Variants in MAN1A1 observed in about 807,000 individuals in gnomAD.
MAN1A1 encodes the protein mannosidase alpha class 1A member 1, also known as mannosyl-oligosaccharide 1,2-alpha-mannosidase IA.
In MAN1A1, 29 loss-of-function variants were observed where a neutral mutation model predicts 70.8. That is an observed-to-expected ratio of 0.41 (90% CI 0.31 to 0.56). The LOEUF (loss-of-function observed/expected upper bound fraction) is 0.56, where lower values mean the gene tolerates loss of function less well. Ranked by LOEUF, MAN1A1 falls within the 20% of genes least tolerant of loss-of-function variation. MAN1A1 has a pLI of 0.29. For missense variants in MAN1A1, 747 were observed against 841.3 expected (o/e 0.89, Z 1.39); for synonymous variants, 349 against 330.1 (o/e 1.06, Z -0.62).
At chr6:119,202,327 T>C (rs1302148216) in intron 7 of MAN1A1, among the ~76,000 whole-genome samples, 1 of 152,166 alleles carries the variant, frequency 6.6e-6, no homozygotes, top group Non-Finnish European at 1.5e-5. Context: ...CACAGGACCA[T>C]CAATATCACT....
intron 6 of MAN1A1, among the ~76,000 whole-genome samples, chr6:119,245,032 A>G (rs940331093): frequency 3.3e-5 from 5 of 152,174 alleles, no homozygotes; most frequent in East Asian, 1.9e-4. Context: ...GATAATACCA[A>G]TAAGTTCACA....
intron 6 of MAN1A1, among the ~76,000 whole-genome samples, chr6:119,228,591 T>C (rs1483888949): frequency 6.6e-6 from 1 of 152,030 alleles, no homozygotes; most frequent in Non-Finnish European, 1.5e-5. Flanking sequence ...GCTCAGACTC[T>C]TTTAGAAAAC....
At chr6:119,340,583 C>T (rs758964187) in intron 2 of MAN1A1, among the ~76,000 whole-genome samples, 1 of 152,182 alleles carries the variant, frequency 6.6e-6, no homozygotes, top group African/African-American at 2.4e-5. Context: ...ATTACTGCCA[C>T]CCCCTTTCTC....
In MAN1A1 at chr6:119,179,523, A is replaced by G. The variant is rs1328999605; in HGVS notation, c.*296T>C. On this transcript the variant is annotated 3_prime_UTR_variant, in exon 13 of 13. Transcript: ENST00000368468. ...TATAATTAAGAGGTCATCGCTATACAATTCTATTCAGTTTAACAAAAACGA... is the reference window on the plus strand; with the variant it reads ...TATAATTAAGAGGTCATCGCTATACGATTCTATTCAGTTTAACAAAAACGA... 1 of 198,732 alleles carries G rather than the reference A, an allele frequency of 5.0e-6. No individual in the cohort carries two copies. The highest frequency in any genetic ancestry group is 1.1e-5 in the Non-Finnish European group (1 of 94,334). 12.3% of individuals were successfully genotyped at this position (198,732 alleles called of 1,614,324 possible). A position where few individuals can be genotyped will look rare whatever the true frequency, so the allele number is the denominator to read the frequency against.
chr6:119,289,564 G>A (rs976664408), intron 5 of MAN1A1, among the ~76,000 whole-genome samples: 15 of 151,730 alleles, frequency 9.9e-5, no homozygotes, highest in Non-Finnish European at 2.1e-4. Flanking sequence ...ACAGACCAGG[G>A]GATCACATTA....
At position 119,247,257 on chromosome 6, in the gene MAN1A1, G is replaced by A. The variant is rs367996556; in HGVS notation, c.992+1003C>T. Among the ~76,000 whole-genome samples the A allele has an allele frequency of 3.9e-4, 59 of 152,110 alleles. 1 individual carries two copies. The highest frequency in any genetic ancestry group is 1.3e-3 in the African/African-American group (55 of 41,426). On this transcript the variant is annotated intron_variant, in intron 6 of 12. Coordinates refer to ENST00000368468, the MANE Select transcript of MAN1A1 (RefSeq NM_005907.4). ...GCTGTTTCATTTGTACATATGCATCGATGTGCGTATAGACATCTAAGTACA... is the reference window on the plus strand; with the variant it reads ...GCTGTTTCATTTGTACATATGCATCAATGTGCGTATAGACATCTAAGTACA...
chr6:119,180,560 C>T (rs193217919), intron 11 of MAN1A1, 133 bp from the exon 12 acceptor site: 204 of 567,050 alleles, frequency 3.6e-4, no homozygotes, highest in African/African-American at 3.3e-3. Context: ...GTTGCCTGGG[C>T]GGAGTACAGT....
intron 2 of MAN1A1, among the ~76,000 whole-genome samples, chr6:119,317,971 C>T (rs1772900907): frequency 6.6e-6 from 1 of 151,980 alleles, no homozygotes; most frequent in Non-Finnish European, 1.5e-5. Flanking sequence ...CATCTAGAAT[C>T]CATGATCTTG....
intron 2 of MAN1A1, among the ~76,000 whole-genome samples, chr6:119,337,367 T>C (rs1285257428): frequency 1.3e-5 from 2 of 152,220 alleles, no homozygotes; most frequent in Non-Finnish European, 2.9e-5. Flanking sequence ...CCAGATTACT[T>C]AGCGCGAAAT....
intron 7 of MAN1A1, 98 bp from the exon 8 acceptor site, chr6:119,201,445 G>C: frequency 1.3e-6 from 1 of 764,108 alleles, no homozygotes. Context: ...AAATGATGCA[G>C]AGTTAGAACA....
intron 2 of MAN1A1, among the ~76,000 whole-genome samples, chr6:119,332,788 G>GAAA (rs56829189): frequency 2.7e-5 from 4 of 145,584 alleles, no homozygotes; most frequent in Non-Finnish European, 4.5e-5. Flanking sequence ...TCCATCTCAA[G>GAAA]AAAAAAAAAA....
At chr6:119,186,093 T>C (rs1322350888) in intron 11 of MAN1A1, among the ~76,000 whole-genome samples, 1 of 152,108 alleles carries the variant, frequency 6.6e-6, no homozygotes, top group African/African-American at 2.4e-5. Context: ...TTTTTCCCTC[T>C]GGTACCCCCA....
intron 3 of MAN1A1, among the ~76,000 whole-genome samples, chr6:119,306,613 T>A (rs1309093846): frequency 6.6e-6 from 1 of 152,204 alleles, no homozygotes; most frequent in African/African-American, 2.4e-5. Context: ...AAATTTATGA[T>A]ACTGCACCCT....
chr6:119,284,685 G>A (rs1385753848), intron 5 of MAN1A1, among the ~76,000 whole-genome samples: 1 of 151,900 alleles, frequency 6.6e-6, no homozygotes, highest in Non-Finnish European at 1.5e-5. Context: ...AATTTAATGT[G>A]ATGCTTATAC....
intron 5 of MAN1A1, among the ~76,000 whole-genome samples, chr6:119,275,860 C>T (rs949282841): frequency 7.9e-5 from 12 of 152,202 alleles, no homozygotes; most frequent in South Asian, 2.1e-4. Context: ...TATGTGGACA[C>T]GGTCATGTGC....
intron 3 of MAN1A1, among the ~76,000 whole-genome samples, chr6:119,305,153 G>GT (rs1010025319): frequency 6.6e-6 from 1 of 152,050 alleles, no homozygotes; most frequent in African/African-American, 2.4e-5. Context: ...TATGAAAAGT[G>GT]TTTTTTACCG....
chr6:119,345,707 C>T (rs932490680), intron 2 of MAN1A1, among the ~76,000 whole-genome samples: 11 of 152,210 alleles, frequency 7.2e-5, no homozygotes, highest in African/African-American at 2.7e-4. Context: ...ACTCAAATTA[C>T]AATCCAGTCT....
chr6:119,236,230 A>C (rs1774841081), intron 6 of MAN1A1, among the ~76,000 whole-genome samples: 1 of 152,152 alleles, frequency 6.6e-6, no homozygotes, highest in South Asian at 2.1e-4. Context: ...TATTTATAAC[A>C]TGGCTTACTG....
chr6:119,293,322 C>A (rs1027091089), intron 4 of MAN1A1, among the ~76,000 whole-genome samples: 1 of 152,042 alleles, frequency 6.6e-6, no homozygotes, highest in African/African-American at 2.4e-5. Flanking sequence ...ATTCTAAAAC[C>A]TAAATTCTAT....
Sources: gnomAD v4.1 joint callset for allele counts (sites outside exome capture counted in the v4.1 genomes callset) on GRCh38, gnomAD v4.1.1 for gene constraint, MANE v1.5 for transcripts, NCBI Gene and HGNC (gene_info 2026-07-23, HGNC 2026-07-21) for gene names.